NFIX: variants seen among roughly 807,000 people sequenced by gnomAD.
The protein encoded by NFIX is nuclear factor I X.
Under a neutral mutation model 53.3 loss-of-function variants are expected in NFIX, and 2 were observed. The observed-to-expected ratio is 0.04, with a 90% confidence interval of 0.02 to 0.12. The LOEUF (loss-of-function observed/expected upper bound fraction) is 0.12, where lower values mean the gene tolerates loss of function less well. Ranked by LOEUF, NFIX falls within the 10% of genes least tolerant of loss-of-function variation. The pLI is 1.00. For synonymous variants in NFIX, 244 were observed against 289.0 expected (o/e 0.84, Z 1.58); for missense variants, 310 against 674.5 (o/e 0.46, Z 5.99).
In NFIX at chr19:13,094,704, G is replaced by C; in HGVS notation, c.*55G>C. The C allele has an allele frequency of 3.3e-6, 5 of 1,518,464 alleles. No individual in the cohort carries two copies. Among genetic ancestry groups the C allele is most frequent in the Non-Finnish European group, 4.4e-6 (5 of 1,131,284 alleles). The allele number at this position is 1,518,464 out of a possible 1,614,324, so 94.1% of individuals were successfully genotyped here. ...GAAGAAGAGGTTCCTCGAAAGGGGGGAGAAGAAATTTTGAGAATGGAAAAA... is the reference window on the plus strand; with the variant it reads ...GAAGAAGAGGTTCCTCGAAAGGGGGCAGAAGAAATTTTGAGAATGGAAAAA... On this transcript the variant is annotated 3_prime_UTR_variant, in exon 11 of 11. Transcript: ENST00000592199. This position sits in a 1 kb window ranked among gnomAD's most constrained non-coding sequence, Gnocchi z 4.3.
chr19:13,024,701 G>A (rs1184380855), intron 1 of NFIX: 3 of 1,536,320 alleles, frequency 2.0e-6, no homozygotes, highest in Non-Finnish European at 2.6e-6. Context: ...GGACGGCAAC[G>A]TTGTCTGTGC....
chr19:13,023,777 C>A (rs1399824326), intron 1 of NFIX, among the ~76,000 whole-genome samples: 1 of 149,650 alleles, frequency 6.7e-6, no homozygotes, highest in African/African-American at 2.5e-5. Context: ...TCTTTTTGCT[C>A]CTTTTCAAAA....
chr19:13,003,266 C>T (rs1314921846), intron 1 of NFIX, among the ~76,000 whole-genome samples: 2 of 152,154 alleles, frequency 1.3e-5, no homozygotes, highest in African/African-American at 4.8e-5. Context: ...TCACAGACAC[C>T]TTGAGGCACC....
At chr19:13,087,467 T>C (rs1157602783) in intron 8 of NFIX, among the ~76,000 whole-genome samples, 2 of 152,010 alleles carry the variant, frequency 1.3e-5, no homozygotes, top group Non-Finnish European at 2.9e-5. Context: ...CCCCAACTTC[T>C]GGTGGCCTCC....
At chr19:13,041,793 C>CAA (rs755429201) in intron 2 of NFIX, among the ~76,000 whole-genome samples, 12 of 103,292 alleles carry the variant, frequency 1.2e-4, no homozygotes, top group African/African-American at 2.5e-4. Flanking sequence ...GACTCCGTCT[C>CAA]AAAAAAAAAA....
chr19:13,067,461 CGCGTGTGTGTGTGTGTGTGTGCGTGTGT>C lies in NFIX; in HGVS notation c.560-5584_560-5557del, dbSNP rs1308405875. 7.1e-6 allele frequency among the ~76,000 whole-genome samples: 1 copy of C among 140,936 alleles called. No homozygotes were observed. 92.5% of individuals were successfully genotyped at this position (140,936 alleles called of 152,430 possible). A position where few individuals can be genotyped will look rare whatever the true frequency, so the allele number is the denominator to read the frequency against. On this transcript the variant is annotated intron_variant, in intron 2 of 10. Coordinates refer to ENST00000592199, the MANE Select transcript of NFIX (RefSeq NM_001365902.3). The surrounding 1 kb of genome is among the most constrained non-coding windows in gnomAD (Gnocchi z 4.2). Reference sequence around the variant, plus strand: ...TTAGTGGCACCTCCGTGTGTGTGCGCGCGTGTGTGTGTGTGTGTGTGCGTGTGTGTGTGTGTGTGTGTGTATGTGTGTG... The same window carrying C: ...TTAGTGGCACCTCCGTGTGTGTGCGCGTGTGTGTGTGTGTGTATGTGTGTG...
At chr19:13,076,642 G>C (rs1411482172) in intron 6 of NFIX, among the ~76,000 whole-genome samples, 1 of 152,208 alleles carries the variant, frequency 6.6e-6, no homozygotes, top group Non-Finnish European at 1.5e-5. Context: ...CTGGGCCCTG[G>C]GCATCATTCT....
rs1264863326 is a variant in NFIX at position 13,089,070 on chromosome 19, G to T, written c.1402+934G>T. 6.6e-6 allele frequency among the ~76,000 whole-genome samples: 1 copy of T among 152,036 alleles called. No individual in the cohort carries two copies. The highest frequency in any genetic ancestry group is 2.4e-5 in the African/African-American group (1 of 41,368). On this transcript the variant is annotated intron_variant, in intron 9 of 10. Transcript: ENST00000592199. The surrounding 1 kb of genome is among the most constrained non-coding windows in gnomAD (Gnocchi z 4.8). ...GCCCATCTCACACTGCTCTCCGCTCGCTTTGTCTCTCCTCCTTTCTCGTGG... is the reference window on the plus strand; with the variant it reads ...GCCCATCTCACACTGCTCTCCGCTCTCTTTGTCTCTCCTCCTTTCTCGTGG...
intron 1 of NFIX, among the ~76,000 whole-genome samples, chr19:12,999,416 C>G (rs1025748941): frequency 1.3e-5 from 2 of 151,960 alleles, no homozygotes; most frequent in Non-Finnish European, 2.9e-5. Context: ...TCGTGATCCA[C>G]CTGCCTCGGC....
intron 2 of NFIX, among the ~76,000 whole-genome samples, chr19:13,065,638 C>T (rs926580938): frequency 2.0e-5 from 3 of 152,136 alleles, no homozygotes; most frequent in Non-Finnish European, 4.4e-5. Flanking sequence ...CTCTGTTGTG[C>T]ACCAGGGGCA....
chr19:13,029,034 C>T (rs796302349), intron 2 of NFIX, among the ~76,000 whole-genome samples: 5 of 152,184 alleles, frequency 3.3e-5, no homozygotes, highest in African/African-American at 1.2e-4. Flanking sequence ...AGCGGAATCC[C>T]CACGAAGTCC....
rs1206854057 is a variant in NFIX at position 13,009,417 on chromosome 19, A to G, written c.27+13553A>G. 6.6e-6 allele frequency among the ~76,000 whole-genome samples: 1 copy of G among 152,230 alleles called. No individual in the cohort carries two copies. Among genetic ancestry groups the G allele is most frequent in the Non-Finnish European group, 1.5e-5 (1 of 68,030 alleles). On this transcript the variant is annotated intron_variant, in intron 1 of 10. Transcript: ENST00000592199. This position sits in a 1 kb window ranked among gnomAD's most constrained non-coding sequence, Gnocchi z 4.7. ...TGAGGAAACAGAGGCCGCAAGGTCA[A>G]GTGCCAAGGTCATGGGGCTAGAAGC...
chr19:13,038,947 G>C (rs1169178829), intron 2 of NFIX, among the ~76,000 whole-genome samples: 1 of 152,192 alleles, frequency 6.6e-6, no homozygotes, highest in Admixed American at 6.5e-5. Context: ...GGGAGGAAGG[G>C]CCCAAGGGTC....
intron 2 of NFIX, among the ~76,000 whole-genome samples, chr19:13,039,228 C>CCA (rs1555698306): frequency 4.2e-5 from 6 of 144,522 alleles, no homozygotes; most frequent in Admixed American, 1.3e-4. Context: ...ACACCCCCCC[C>CCA]CACACACACA....
intron 2 of NFIX, among the ~76,000 whole-genome samples, chr19:13,057,257 G>T (rs976423270): frequency 1.3e-5 from 2 of 152,320 alleles, no homozygotes; most frequent in East Asian, 1.9e-4. Context: ...AAGTTCTGAC[G>T]GCTGTGCCTG....
intron 2 of NFIX, among the ~76,000 whole-genome samples, chr19:13,069,241 G>A (rs1300078720): frequency 6.6e-6 from 1 of 152,192 alleles, no homozygotes; most frequent in Non-Finnish European, 1.5e-5. Context: ...CTGAACTTGG[G>A]GGTGCACAGT....
In NFIX at chr19:13,027,817, C is replaced by G. The variant is rs1308969760; in HGVS notation, c.559+2265C>G. Among the ~76,000 whole-genome samples, 1 of 152,224 alleles carries G rather than the reference C, an allele frequency of 6.6e-6. No homozygotes were observed. The highest frequency in any genetic ancestry group is 1.5e-5 in the Non-Finnish European group (1 of 68,044). On this transcript the variant is annotated intron_variant, in intron 2 of 10. Transcript: ENST00000592199. This position sits in a 1 kb window ranked among gnomAD's most constrained non-coding sequence, Gnocchi z 4.3. ...ACCCCATTCCATGTAGCCGAGGCCA[C>G]TTCTCTGGGCTGGGGCTGAGGCCGA... is the stretch of plus-strand genomic sequence containing the variant.
chr19:13,058,089 G>T (rs866443977), intron 2 of NFIX, among the ~76,000 whole-genome samples: 1 of 152,060 alleles, frequency 6.6e-6, no homozygotes, highest in Non-Finnish European at 1.5e-5. Flanking sequence ...AGGAACAGGG[G>T]AGGGGGTTGC....
rs1032668629 is a variant in NFIX at position 13,073,973 on chromosome 19, C to T, written c.765C>T (p.Asn255=). Residue 255 remains asparagine, a synonymous_variant, in exon 5 of 11, where the codon AAC becomes AAT. Coordinates refer to ENST00000592199, the MANE Select transcript of NFIX (RefSeq NM_001365902.3). This position sits in a 1 kb window ranked among gnomAD's most constrained non-coding sequence, Gnocchi z 4.5. The stretch of plus-strand genomic sequence containing the variant: ...ACCTGGAGAGTCCCAGCTACTACAA[C>T]ATCAACCAGGTGACCCTGGGGCGGC... ...LADLESPSYY[N]INQVTLGRRS... The T allele has an allele frequency of 6.2e-7, 1 of 1,614,022 alleles. No homozygotes were observed. The highest frequency in any genetic ancestry group is 8.5e-7 in the Non-Finnish European group (1 of 1,179,884).
Sources: gnomAD v4.1 joint callset for allele counts (sites outside exome capture counted in the v4.1 genomes callset) on GRCh38, gnomAD v4.1.1 for gene constraint, Gnocchi (gnomAD v3.1) non-coding constraint, MANE v1.5 for transcripts, NCBI Gene and HGNC (gene_info 2026-07-23, HGNC 2026-07-21) for gene names.